The following IFNE variants were observed in gnomAD, a reference collection of about 807,000 sequenced individuals.
IFNE encodes interferon epsilon, also known as IFN-epsilon.
For synonymous variants in IFNE, 94 were observed against 87.4 expected, an observed-to-expected ratio of 1.08 and a Z score of -0.42; for missense variants, 276 against 232.4, an observed-to-expected ratio of 1.19 and a Z score of -1.22.
chr9:21,481,110 G>A lies in IFNE; in HGVS notation c.585C>T (p.Asp195=), dbSNP rs1586995658. Residue 195 remains aspartate (D), a synonymous_variant, in exon 1 of 1, where the codon GAC becomes GAT. Coordinates refer to ENST00000448696, the MANE Select transcript of IFNE (RefSeq NM_176891.5). ...ACTCTGTAGTAAGCTCTTGCTTCATGTCGTTCAAGGGTCTTCCTTGTTTGC... is the reference window on the plus strand; with the variant it reads ...ACTCTGTAGTAAGCTCTTGCTTCATATCGTTCAAGGGTCTTCCTTGTTTGC... ...KLSKQGRPLN[D]MKQELTTEFR... is the part of the protein sequence containing the mutation. 1 of 1,613,476 alleles carries A rather than the reference G, an allele frequency of 6.2e-7. No homozygotes were observed. Among genetic ancestry groups the A allele is most frequent in the South Asian group, 1.1e-5 (1 of 90,958 alleles).
In IFNE at chr9:21,482,271, C is replaced by G. The variant is rs1456795959; in HGVS notation, c.-577G>C. The G allele has an allele frequency of 6.0e-6, 1 of 166,626 alleles. No individual in the cohort carries two copies. Among genetic ancestry groups the G allele is most frequent in the Admixed American group, 6.5e-5 (1 of 15,280 alleles). 10.3% of individuals were successfully genotyped at this position (166,626 alleles called of 1,614,324 possible). On this transcript the variant is annotated 5_prime_UTR_variant, in exon 1 of 1. Transcript: ENST00000448696. ...TAATTTTAAAACATATATCAGCAAT[C>G]TTAAATTATTTTATATCTTATCCTA...
rs558306979 is a variant in IFNE at position 21,481,550 on chromosome 9, A to C, written c.145T>G (p.Ser49Ala). The change falls in exon 1 of 1, where the codon TCA (serine) becomes GCA (alanine). Residue 49 changes from serine to alanine, a missense_variant. Physicochemically the swap from Ser to Ala is moderately conservative, Grantham distance 99. Transcript: ENST00000448696. ...CTGTGTGGTAGACACTGCTGAATTGACAAGGTTTGCAACTTATTCAAGAGT... is the reference window on the plus strand; with the variant it reads ...CTGTGTGGTAGACACTGCTGAATTGCCAAGGTTTGCAACTTATTCAAGAGT... ...LKLLNKLQTL[S>A]IQQCLPHRKN... The C allele has an allele frequency of 1.2e-6, 2 of 1,614,002 alleles. No individual in the cohort carries two copies. The highest frequency in any genetic ancestry group is 2.2e-5 in the East Asian group (1 of 44,890).
Position 21,481,023 on chromosome 9 carries a change from A to C in IFNE, c.*45T>G. On this transcript the variant is annotated 3_prime_UTR_variant, in exon 1 of 1. Coordinates refer to ENST00000448696, the MANE Select transcript of IFNE (RefSeq NM_176891.5). The stretch of plus-strand genomic sequence containing the variant: ...TGATTGTACTATAAATTGTATTACC[A>C]CTCTATGAAGAATCATGTCTGGAGA... 6.9e-7 allele frequency: 1 copy of C among 1,455,644 alleles called. No individual in the cohort carries two copies. 90.2% of individuals were successfully genotyped at this position (1,455,644 alleles called of 1,614,324 possible).
At position 21,481,696 on chromosome 9, in the gene IFNE, G is replaced by T; in HGVS notation, c.-2C>A. ...TCCAAAGAAGTGCTTGATAATCATGGTGAAGGTCAAATATGCTACTTATCC... is the reference window on the plus strand; with the variant it reads ...TCCAAAGAAGTGCTTGATAATCATGTTGAAGGTCAAATATGCTACTTATCC... On this transcript the variant is annotated 5_prime_UTR_variant, in exon 1 of 1. Transcript: ENST00000448696. The T allele has an allele frequency of 6.2e-7, 1 of 1,606,472 alleles. No homozygotes were observed. The highest frequency in any genetic ancestry group is 1.3e-5 in the African/African-American group (1 of 74,812).
chr9:21,481,617 C>T lies in IFNE; in HGVS notation c.78G>A (p.Leu26=). 6.2e-7 allele frequency: 1 copy of T among 1,613,950 alleles called. No homozygotes were observed. Among genetic ancestry groups the T allele is most frequent in the Non-Finnish European group, 8.5e-7 (1 of 1,179,850 alleles). ...TCACTTGTCTTTGCTGGAAGATAATCAGTTTCAAATCTAGAGAGAAGATAG... is the reference window on the plus strand; with the variant it reads ...TCACTTGTCTTTGCTGGAAGATAATTAGTTTCAAATCTAGAGAGAAGATAG... ...STTIFSLDLK[L]IIFQQRQVNQ... The change falls in exon 1 of 1, where the codon CTG becomes CTA. Residue 26 remains leucine (L), a synonymous_variant. Coordinates refer to ENST00000448696, the MANE Select transcript of IFNE (RefSeq NM_176891.5).
In IFNE at chr9:21,481,697, T is replaced by C. The variant is rs1278787065; in HGVS notation, c.-3A>G. On this transcript the variant is annotated 5_prime_UTR_variant, in exon 1 of 1. Transcript: ENST00000448696. Reference sequence around the variant, plus strand: ...CCAAAGAAGTGCTTGATAATCATGGTGAAGGTCAAATATGCTACTTATCCC... The same window carrying C: ...CCAAAGAAGTGCTTGATAATCATGGCGAAGGTCAAATATGCTACTTATCCC... 1.2e-6 allele frequency: 2 copies of C among 1,606,356 alleles called. No individual in the cohort carries two copies. The highest frequency in any genetic ancestry group is 1.3e-5 in the African/African-American group (1 of 74,810).
chr9:21,481,616 T>C lies in IFNE; in HGVS notation c.79A>G (p.Ile27Val). 1 of 1,614,008 alleles carries C rather than the reference T, an allele frequency of 6.2e-7. No homozygotes were observed. Among genetic ancestry groups the C allele is most frequent in the Non-Finnish European group, 8.5e-7 (1 of 1,179,898 alleles). ...TTIFSLDLKL[I>V]IFQQRQVNQE... ...TTCACTTGTCTTTGCTGGAAGATAA[T>C]CAGTTTCAAATCTAGAGAGAAGATA... is the stretch of plus-strand genomic sequence containing the variant. Residue 27 changes from isoleucine to valine, a missense_variant, in exon 1 of 1, where the codon ATT (isoleucine) becomes GTT (valine). Coordinates refer to ENST00000448696, the MANE Select transcript of IFNE (RefSeq NM_176891.5).
In IFNE at chr9:21,481,057, A is replaced by G. The variant is rs1819025334; in HGVS notation, c.*11T>C. 1.3e-6 allele frequency: 2 copies of G among 1,585,250 alleles called. No individual in the cohort carries two copies. The highest frequency in any genetic ancestry group is 1.7e-6 in the Non-Finnish European group (2 of 1,167,742). ...AGAATCATGTCTGGAGAAGTCCTCT[A>G]GTCCCTCCACCTACCTCGGGCTTCT... On this transcript the variant is annotated 3_prime_UTR_variant, in exon 1 of 1. Coordinates refer to ENST00000448696, the MANE Select transcript of IFNE (RefSeq NM_176891.5).
In IFNE at chr9:21,481,760, T is replaced by C. The variant is rs925548785; in HGVS notation, c.-66A>G. 1.6e-5 allele frequency: 22 copies of C among 1,373,944 alleles called. No homozygotes were observed. The highest frequency in any genetic ancestry group is 2.1e-5 in the Non-Finnish European group (21 of 1,001,884). 85.1% of individuals were successfully genotyped at this position (1,373,944 alleles called of 1,614,324 possible). ...GGGAAATTCCAGCTCTAGTGAATGT[T>C]TGCCTTTCATGCATCTCAGATTATT... On this transcript the variant is annotated 5_prime_UTR_variant, in exon 1 of 1. Coordinates refer to ENST00000448696, the MANE Select transcript of IFNE (RefSeq NM_176891.5).
Position 21,481,814 on chromosome 9 carries a change from G to A in IFNE, c.-120C>T, listed in dbSNP as rs532993520. The A allele has an allele frequency of 1.5e-4, 134 of 868,664 alleles. No homozygotes were observed. The highest frequency in any genetic ancestry group is 1.1e-3 in the African/African-American group (65 of 58,528). The allele number at this position is 868,664 out of a possible 1,614,324, so 53.8% of individuals were successfully genotyped here. A position where few individuals can be genotyped will look rare whatever the true frequency, so the allele number is the denominator to read the frequency against. The stretch of plus-strand genomic sequence containing the variant: ...GAGAGTGTTCTCTTTTGTTGCTTTC[G>A]TTTTCTAATGTCATTTCTCCAAGTT... On this transcript the variant is annotated 5_prime_UTR_variant, in exon 1 of 1. In the 5' UTR this introduces an upstream ATG that the reference lacks. Coordinates refer to ENST00000448696, the MANE Select transcript of IFNE (RefSeq NM_176891.5).
Position 21,481,476 on chromosome 9 carries a change from T to C in IFNE, c.219A>G (p.Gln73=). The change falls in exon 1 of 1, where the codon CAA becomes CAG. Residue 73 remains glutamine, a synonymous_variant. Transcript: ENST00000448696. ...GGAGAATGGCCAGAGTGTGTCCTTT[T>C]TGGTACTGCTGAGGACTCAAAGACT... ...PQKSLSPQQY[Q]KGHTLAILHE... is the part of the protein sequence containing the mutation. 2 of 1,614,128 alleles carry C rather than the reference T, an allele frequency of 1.2e-6. No individual in the cohort carries two copies. Among genetic ancestry groups the C allele is most frequent in the Non-Finnish European group, 1.7e-6 (2 of 1,180,002 alleles).
rs761332716 is a variant in IFNE at position 21,481,125 on chromosome 9, T to C, written c.570A>G (p.Gly190=). 6.2e-7 allele frequency: 1 copy of C among 1,613,968 alleles called. No homozygotes were observed. The highest frequency in any genetic ancestry group is 1.3e-5 in the African/African-American group (1 of 74,894). ...FSLTEKLSKQ[G]RPLNDMKQEL... ...CTTGCTTCATGTCGTTCAAGGGTCT[T>C]CCTTGTTTGCTCAGTTTTTCTGTGA... Residue 190 remains glycine (G), a synonymous_variant, in exon 1 of 1, where the codon GGA becomes GGG. Transcript: ENST00000448696.
At chr9:21,481,349 GT>G in the IFNE span, 1 of 1,614,154 alleles carries the variant, frequency 6.2e-7, no homozygotes, top group Admixed American at 1.7e-5. Flanking sequence ...TATTCTAGCT[GT>G]TGATGAAGTT....
In IFNE at chr9:21,480,966, T is replaced by G; in HGVS notation, c.*102A>C. 1.1e-6 allele frequency: 1 copy of G among 926,268 alleles called. No individual in the cohort carries two copies. The highest frequency in any genetic ancestry group is 1.6e-6 in the Non-Finnish European group (1 of 616,276). The allele number at this position is 926,268 out of a possible 1,614,324, so 57.4% of individuals were successfully genotyped here. On this transcript the variant is annotated 3_prime_UTR_variant, in exon 1 of 1. Coordinates refer to ENST00000448696, the MANE Select transcript of IFNE (RefSeq NM_176891.5). ...AATATGCACAATCTTAAAACACAGATAAATATATATATACACAAAATCAAA... is the reference window on the plus strand; with the variant it reads ...AATATGCACAATCTTAAAACACAGAGAAATATATATATACACAAAATCAAA...
At position 21,481,189 on chromosome 9, in the gene IFNE, T is replaced by C; in HGVS notation, c.506A>G (p.Gln169Arg). ...DYSTCAWAIV[Q>R]VEISRCLFFV... ...GAACAGACATCGGCTGATTTCTACT[T>C]GGACAATGGCCCAGGCACAGGTGCT... Residue 169 changes from glutamine (Q) to arginine (R), a missense_variant, in exon 1 of 1, where the codon CAA (glutamine) becomes CGA (arginine). Coordinates refer to ENST00000448696, the MANE Select transcript of IFNE (RefSeq NM_176891.5). 1 of 1,614,180 alleles carries C rather than the reference T, an allele frequency of 6.2e-7. No homozygotes were observed. Among genetic ancestry groups the C allele is most frequent in the Non-Finnish European group, 8.5e-7 (1 of 1,180,012 alleles).
Position 21,481,925 on chromosome 9 carries a change from G to C in IFNE, c.-231C>G. The C allele has an allele frequency of 2.0e-6, 1 of 489,440 alleles. No homozygotes were observed. Among genetic ancestry groups the C allele is most frequent in the Non-Finnish European group, 3.7e-6 (1 of 269,722 alleles). 30.3% of individuals were successfully genotyped at this position (489,440 alleles called of 1,614,324 possible). On this transcript the variant is annotated 5_prime_UTR_variant, in exon 1 of 1. It introduces an in-frame stop codon into an upstream open reading frame of the 5' UTR. Transcript: ENST00000448696. ...CTATTGTGTTGGCTATTTTGAGGAAGTACCAAAATAACTTATTCATTGTAT... is the reference window on the plus strand; with the variant it reads ...CTATTGTGTTGGCTATTTTGAGGAACTACCAAAATAACTTATTCATTGTAT...
In IFNE at chr9:21,481,280, T is replaced by C. The variant is rs1452790524; in HGVS notation, c.415A>G (p.Asn139Asp). 1.9e-6 allele frequency: 3 copies of C among 1,614,118 alleles called. No homozygotes were observed. Among genetic ancestry groups the C allele is most frequent in the Non-Finnish European group, 2.5e-6 (3 of 1,179,980 alleles). The change falls in exon 1 of 1, where the codon AAC becomes GAC. Residue 139 changes from asparagine (N) to aspartate (D), a missense_variant. Coordinates refer to ENST00000448696, the MANE Select transcript of IFNE (RefSeq NM_176891.5). ...TACATTTTAACTTGTAATCTAAGGT[T>C]ATCACTACCCAAAGTACCACTTAGC... Reference protein sequence around the residue: ...EKLSGTLGSDNLRLQVKMYFR... With the variant: ...EKLSGTLGSDDLRLQVKMYFR...
In IFNE at chr9:21,480,924, T is replaced by C; in HGVS notation, c.*144A>G. On this transcript the variant is annotated 3_prime_UTR_variant, in exon 1 of 1. Transcript: ENST00000448696. ...GAATATATAAAGCCACATTACAAAA[T>C]AAAAACAATTGTGGTCAATATGCAC... 1.6e-6 allele frequency: 1 copy of C among 624,036 alleles called. No individual in the cohort carries two copies. Among genetic ancestry groups the C allele is most frequent in the Non-Finnish European group, 2.7e-6 (1 of 376,902 alleles). 38.7% of individuals were successfully genotyped at this position (624,036 alleles called of 1,614,324 possible).
In IFNE at chr9:21,481,075, G is replaced by A. The variant is rs148251207; in HGVS notation, c.620C>T (p.Pro207Leu). The A allele has an allele frequency of 1.5e-4, 238 of 1,601,002 alleles. 1 individual carries two copies. Among genetic ancestry groups the A allele is most frequent in the Non-Finnish European group, 1.8e-4 (217 of 1,174,462 alleles). ...GTCCTCTAGTCCCTCCACCTACCTC[G>A]GGCTTCTAAACTCTGTAGTAAGCTC... ...KQELTTEFRS[P>L]R is the part of the protein sequence containing the mutation. Residue 207 changes from proline (P) to leucine (L), a missense_variant, in exon 1 of 1, where the codon CCG becomes CTG. Physicochemically the swap from Pro to Leu is moderately conservative, Grantham distance 98 (BLOSUM62 -3). Coordinates refer to ENST00000448696, the MANE Select transcript of IFNE (RefSeq NM_176891.5).
Sources: allele counts gnomAD v4.1 joint callset, GRCh38; gene constraint gnomAD v4.1.1; transcripts MANE v1.5; gene names NCBI Gene and HGNC (gene_info 2026-07-23, HGNC 2026-07-21).